SKAP2: variants seen among roughly 807,000 people sequenced by gnomAD.
SKAP2 encodes the protein src kinase-associated phosphoprotein 2.
SKAP2 carries 28 observed loss-of-function variants against 54.9 expected under a neutral mutation model. That is an observed-to-expected ratio of 0.51 (90% CI 0.38 to 0.70). SKAP2 has a LOEUF of 0.70. SKAP2 is among the 30% of genes least tolerant of loss of function. The pLI is 0.00. For synonymous variants in SKAP2, 137 were observed against 134.3 expected (o/e 1.02, Z -0.14); for missense variants, 356 against 424.1 (o/e 0.84, Z 1.41).
chr7:26,659,990 CAA>C, the SKAP2 span, among the ~76,000 whole-genome samples: 1 of 151,748 alleles, frequency 6.6e-6, no homozygotes, highest in African/African-American at 2.4e-5. Context: ...CTTCAAAAAA[CAA>C]AAAAACCCAT....
chr7:26,851,032 T>G (rs2127997726), intron 3 of SKAP2, among the ~76,000 whole-genome samples: 1 of 152,114 alleles, frequency 6.6e-6, no homozygotes, highest in Non-Finnish European at 1.5e-5. Flanking sequence ...TGTAAACTAT[T>G]CTCACCCAAA....
intron 10 of SKAP2, among the ~76,000 whole-genome samples, chr7:26,687,538 GA>G (rs1009401484): frequency 2.0e-5 from 3 of 151,408 alleles, no homozygotes; most frequent in Admixed American, 1.3e-4. Context: ...TAAGTAGGGG[GA>G]AAAAAAACCC....
chr7:26,812,003 A>C (rs1159092389), intron 4 of SKAP2, among the ~76,000 whole-genome samples: 1 of 152,224 alleles, frequency 6.6e-6, no homozygotes, highest in African/African-American at 2.4e-5. Flanking sequence ...CAGGCATGTT[A>C]ATTTTTAAAC....
At chr7:26,767,148 C>T (rs1038859097) in intron 4 of SKAP2, among the ~76,000 whole-genome samples, 2 of 152,224 alleles carry the variant, frequency 1.3e-5, no homozygotes, top group East Asian at 3.9e-4. Flanking sequence ...ATTTCAGAAT[C>T]TGTTATTGGC....
intron 9 of SKAP2, among the ~76,000 whole-genome samples, chr7:26,697,522 A>C (rs914852916): frequency 3.3e-5 from 5 of 152,152 alleles, no homozygotes; most frequent in African/African-American, 1.2e-4. Flanking sequence ...TTGGCTTTTT[A>C]TTAAAGTTTA....
rs930832123 is a variant in SKAP2, at chr7:26,667,641, C to T, written c.*2025G>A. 4 of 152,634 alleles carry T rather than the reference C, an allele frequency of 2.6e-5. No individual in the cohort carries two copies. Among genetic ancestry groups the T allele is most frequent in the Non-Finnish European group, 5.9e-5 (4 of 68,062 alleles). 9.5% of individuals were successfully genotyped at this position (152,634 alleles called of 1,614,324 possible). A position where few individuals can be genotyped will look rare whatever the true frequency, so the allele number is the denominator to read the frequency against. ...GTTGGTCATCAGTTGGCAAAGGACT[C>T]CCTCTCCTGGATTAACTGTAAAAGG... On this transcript the variant is annotated 3_prime_UTR_variant, in exon 13 of 13. Coordinates refer to ENST00000345317, the MANE Select transcript of SKAP2 (RefSeq NM_003930.5).
rs181153088 is a variant in SKAP2, at chr7:26,707,568, T to C, written c.797-17206A>G. ...ACTTATGGCTTAGGAATTCAACCTC[T>C]AGCAATATGGTCAACCAAGCTGAAA... On this transcript the variant is annotated intron_variant, in intron 9 of 12. Coordinates refer to ENST00000345317, the MANE Select transcript of SKAP2 (RefSeq NM_003930.5). Among the ~76,000 whole-genome samples, 5 of 152,294 alleles carry C rather than the reference T, an allele frequency of 3.3e-5. No individual in the cohort carries two copies. The East Asian group carries it at 9.7e-4, about 29-fold the overall frequency.
rs1001333969 is a variant in SKAP2, at chr7:26,711,772, A to G, written c.796+13656T>C. On this transcript the variant is annotated intron_variant, in intron 9 of 12. Transcript: ENST00000345317. ...CAAGGGATTAATTTGACCATGTTAT[A>G]TTTTAGGAAATCAATCTGTTGGCAC... 3.9e-5 allele frequency among the ~76,000 whole-genome samples: 6 copies of G among 152,306 alleles called. 1 individual carries two copies. The highest frequency in any genetic ancestry group is 1.9e-4 in the East Asian group (1 of 5,176).
At chr7:26,844,000 G>T in intron 4 of SKAP2, 30 bp downstream of exon 4, 1 of 1,329,478 alleles carries the variant, frequency 7.5e-7, no homozygotes, top group Non-Finnish European at 1.1e-6. Context: ...TTGTGTGAGT[G>T]TCAGAGTTAC....
At chr7:26,763,276 G>T (rs959405562) in intron 4 of SKAP2, among the ~76,000 whole-genome samples, 1 of 152,052 alleles carries the variant, frequency 6.6e-6, no homozygotes, top group African/African-American at 2.4e-5. Context: ...CATTGAAAAT[G>T]ATCTAGTAGC....
At chr7:26,739,481 T>C (rs1436503342) in intron 5 of SKAP2, among the ~76,000 whole-genome samples, 1 of 152,154 alleles carries the variant, frequency 6.6e-6, no homozygotes, top group East Asian at 1.9e-4. Flanking sequence ...AAATGAATAA[T>C]AGACAATGGC....
At chr7:26,811,812 GTAGAT>G (rs1438764152) in intron 4 of SKAP2, among the ~76,000 whole-genome samples, 1 of 151,286 alleles carries the variant, frequency 6.6e-6, no homozygotes, top group Admixed American at 6.6e-5. Context: ...TTTTAATGTA[GTAGAT>G]TAGAGTTTTA....
intron 4 of SKAP2, among the ~76,000 whole-genome samples, chr7:26,828,819 G>T (rs1784545552): frequency 6.6e-6 from 1 of 151,754 alleles, no homozygotes; most frequent in Non-Finnish European, 1.5e-5. Context: ...CTGAGATCAG[G>T]AGTTCAAGAC....
intron 11 of SKAP2, among the ~76,000 whole-genome samples, chr7:26,684,141 T>C (rs895230535): frequency 4.6e-5 from 7 of 152,140 alleles, no homozygotes; most frequent in African/African-American, 1.4e-4. Flanking sequence ...CAAGAATTTA[T>C]GTATATACAC....
intron 10 of SKAP2, among the ~76,000 whole-genome samples, chr7:26,687,166 C>G (rs557682010): frequency 6.7e-6 from 1 of 149,874 alleles, no homozygotes. Context: ...CCCCTCGATA[C>G]GCTTGCTGAA....
chr7:26,797,591 T>TGAA (rs1158680376), intron 4 of SKAP2, among the ~76,000 whole-genome samples: 1 of 152,030 alleles, frequency 6.6e-6, no homozygotes, highest in Non-Finnish European at 1.5e-5. Context: ...GCCCAAACAG[T>TGAA]GAAGACTACA....
intron 9 of SKAP2, among the ~76,000 whole-genome samples, chr7:26,695,622 T>A (rs530142324): frequency 5.9e-5 from 9 of 152,222 alleles, no homozygotes; most frequent in Non-Finnish European, 1.2e-4. Context: ...TAAAATACTG[T>A]CTGTTTGTGG....
chr7:26,864,579 A>T lies in SKAP2; in HGVS notation c.-150T>A. The T allele has an allele frequency of 7.1e-7, 1 of 1,412,154 alleles. No homozygotes were observed. Among genetic ancestry groups the T allele is most frequent in the Non-Finnish European group, 9.2e-7 (1 of 1,084,580 alleles). The allele number at this position is 1,412,154 out of a possible 1,614,324, so 87.5% of individuals were successfully genotyped here. ...GGGACACTGCCGGGCCGGGGCTCAC[A>T]ACAAGGAAGTCACTGAATCTCCAGC... is the stretch of plus-strand genomic sequence containing the variant. On this transcript the variant is annotated 5_prime_UTR_variant, in exon 1 of 13. Transcript: ENST00000345317.
intron 4 of SKAP2, among the ~76,000 whole-genome samples, chr7:26,826,217 T>C (rs1202393281): frequency 6.6e-6 from 1 of 152,170 alleles, no homozygotes; most frequent in Non-Finnish European, 1.5e-5. Context: ...GAGATCTCTA[T>C]TTCAATGGGG....
Sources: gnomAD v4.1 joint callset for allele counts (sites outside exome capture counted in the v4.1 genomes callset) on GRCh38, gnomAD v4.1.1 for gene constraint, MANE v1.5 for transcripts, NCBI Gene and HGNC (gene_info 2026-07-23, HGNC 2026-07-21) for gene names.